ROS1: variants seen among roughly 807,000 people sequenced by gnomAD.
ROS1 encodes proto-oncogene tyrosine-protein kinase ROS.
Under a neutral mutation model 273.5 loss-of-function variants are expected in ROS1, and 263 were observed. The observed-to-expected ratio is 0.96, with a 90% CI of 0.87 to 1.06. ROS1 has a LOEUF of 1.06. ROS1 is among the 50% of genes least tolerant of loss of function. The pLI, the probability that ROS1 is intolerant of heterozygous loss-of-function variation, is 0.00. For missense variants in ROS1, 2,833 were observed against 2,751.1 expected, an observed-to-expected ratio of 1.03 and a Z score of -0.67; for synonymous variants, 1,008 against 954.1, an observed-to-expected ratio of 1.06 and a Z score of -1.04.
intron 15 of ROS1, among the ~76,000 whole-genome samples, chr6:117,386,175 T>C (rs759040631): frequency 1.3e-5 from 2 of 152,216 alleles, no homozygotes; most frequent in African/African-American, 2.4e-5. Context: ...ATGGTAAACC[T>C]GAGACAAGGT....
intron 2 of ROS1, among the ~76,000 whole-genome samples, chr6:117,417,004 T>C (rs192052579): frequency 6.6e-6 from 1 of 152,176 alleles, no homozygotes; most frequent in African/African-American, 2.4e-5. Flanking sequence ...GGTGTTTGTG[T>C]TCCATCTTCA....
chr6:117,421,799 G>T (rs1676363990), intron 1 of ROS1, among the ~76,000 whole-genome samples: 4 of 151,564 alleles, frequency 2.6e-5, no homozygotes, highest in Non-Finnish European at 1.5e-5. Flanking sequence ...CCACTTTTTG[G>T]CTTTGCAGTT....
Position 117,356,897 on chromosome 6 carries a change from T to C in ROS1, c.3858A>G (p.Glu1286=), listed in dbSNP as rs754776601. Residue 1286 remains glutamate, a synonymous_variant, in exon 26 of 44, where the codon GAA becomes GAG. Transcript: ENST00000368507. ...ACATCTGGTAGCCAAAATTGGAAAC[T>C]TCTGTCCAATACAAGCGACTATAGA... The part of the protein sequence containing the change: ...YPLLSRLYWT[E]VSNFGYQMFY... 1 of 1,613,936 alleles carries C rather than the reference T, an allele frequency of 6.2e-7. No homozygotes were observed. The highest frequency in any genetic ancestry group is 2.2e-5 in the East Asian group (1 of 44,872).
chr6:117,331,000 C>A (rs1041189474), intron 32 of ROS1, among the ~76,000 whole-genome samples: 6 of 152,174 alleles, frequency 3.9e-5, no homozygotes, highest in African/African-American at 1.4e-4. Flanking sequence ...GATGGATGAA[C>A]TGACAGAAGT....
In ROS1 at chr6:117,310,228, C is replaced by T. The variant is rs1022614558; in HGVS notation, c.6269G>A (p.Arg2090Gln). ...LVSVKDYTSP[R>Q]IVKIGDFGLA... ...TCCAAAGTCTCCAATCTTCACTATC[C>T]GTGGACTGGTATAGTCTTTCACGGA... is the stretch of plus-strand genomic sequence containing the variant. Residue 2090 changes from arginine to glutamine, a missense_variant, in exon 41 of 44, where the codon CGG becomes CAG. Coordinates refer to ENST00000368507, the MANE Select transcript of ROS1 (RefSeq NM_001378902.1). The T allele has an allele frequency of 3.7e-6, 6 of 1,613,102 alleles. No individual in the cohort carries two copies. Among genetic ancestry groups the T allele is most frequent in the African/African-American group, 2.7e-5 (2 of 74,814 alleles).
intron 43 of ROS1, among the ~76,000 whole-genome samples, chr6:117,291,100 A>G (rs1342750068): frequency 6.6e-6 from 1 of 152,198 alleles, no homozygotes; most frequent in African/African-American, 2.4e-5. Context: ...TTTCTTGCTC[A>G]GTCACAAACT....
rs1037293561 is a variant in ROS1 at position 117,323,443 on chromosome 6, T to C, written c.5623+889A>G. 2.0e-5 allele frequency among the ~76,000 whole-genome samples: 3 copies of C among 152,162 alleles called. No individual in the cohort carries two copies. The South Asian group carries it at 6.2e-4, about 31-fold the overall frequency. On this transcript the variant is annotated intron_variant, in intron 35 of 43. Transcript: ENST00000368507. ...TGAACAAAACAAGCCACAACTTTCT[T>C]AATATGTGTTTGAGTGTTCTTTTCT...
At chr6:117,332,827 G>A (rs1357298750) in intron 32 of ROS1, among the ~76,000 whole-genome samples, 1 of 152,118 alleles carries the variant, frequency 6.6e-6, no homozygotes, top group African/African-American at 2.4e-5. Context: ...CAGAATCTCT[G>A]GGACACAACT....
In ROS1 at chr6:117,365,192, C is replaced by T; in HGVS notation, c.2971G>A (p.Glu991Lys). The T allele has an allele frequency of 6.3e-7, 1 of 1,599,956 alleles. No individual in the cohort carries two copies. Among genetic ancestry groups the T allele is most frequent in the East Asian group, 2.2e-5 (1 of 44,810 alleles). Residue 991 changes from glutamate (E) to lysine (K), a missense_variant, in exon 21 of 44, where the codon GAA becomes AAA. Transcript: ENST00000368507. ...FSAHSKFLAS[E>K]QHSLPVFTVE... is the part of the protein sequence containing the mutation. ...GTAAATACAGGTAAAGAGTGTTGTTCACTAGCCAAGAACTAAAATATAAAC... is the reference window on the plus strand; with the variant it reads ...GTAAATACAGGTAAAGAGTGTTGTTTACTAGCCAAGAACTAAAATATAAAC...
In ROS1 at chr6:117,414,281, G is replaced by A. The variant is rs975177077; in HGVS notation, c.255+238C>T. Among the ~76,000 whole-genome samples, 9 of 152,068 alleles carry A rather than the reference G, an allele frequency of 5.9e-5. No individual in the cohort carries two copies. The South Asian group carries it at 6.2e-4, about 10-fold the overall frequency. On this transcript the variant is annotated intron_variant, in intron 4 of 43. Transcript: ENST00000368507. ...ATATATGCAAATGGTGAATGTGTGT[G>A]TATGCACATAGGAACATATATATTA...
At chr6:117,348,823 G>A (rs534609696) in intron 27 of ROS1, among the ~76,000 whole-genome samples, 1 of 151,828 alleles carries the variant, frequency 6.6e-6, no homozygotes, top group East Asian at 1.9e-4. Flanking sequence ...TTTAATTTGA[G>A]ATTTCTTCTT....
At position 117,324,370 on chromosome 6, in the gene ROS1, A is replaced by T. The variant is rs1357854573; in HGVS notation, c.5585T>A (p.Val1862Asp). The T allele has an allele frequency of 1.3e-6, 2 of 1,530,838 alleles. No individual in the cohort carries two copies. The highest frequency in any genetic ancestry group is 1.8e-6 in the Non-Finnish European group (2 of 1,112,146). The allele number at this position is 1,530,838 out of a possible 1,614,324, so 94.8% of individuals were successfully genotyped here. A position where few individuals can be genotyped will look rare whatever the true frequency, so the allele number is the denominator to read the frequency against. The change falls in exon 35 of 44, where the codon GTT becomes GAT. Residue 1862 changes from valine (V) to aspartate (D), a missense_variant. Coordinates refer to ENST00000368507, the MANE Select transcript of ROS1 (RefSeq NM_001378902.1). ...GATTGTAACAACCAGAAATATTCCAACTATAATAGTAAGTATGAAACTTGT... is the reference window on the plus strand; with the variant it reads ...GATTGTAACAACCAGAAATATTCCATCTATAATAGTAAGTATGAAACTTGT... The part of the protein sequence containing the change: ...PETSFILTII[V>D]GIFLVVTIPL...
At chr6:117,392,828 T>C (rs530800749) in intron 12 of ROS1, among the ~76,000 whole-genome samples, 18 of 152,200 alleles carry the variant, frequency 1.2e-4, no homozygotes, top group African/African-American at 4.1e-4. Context: ...TGAACTACAG[T>C]TGAATGGCTC....
At chr6:117,396,828 A>T in intron 8 of ROS1, 87 bp downstream of exon 8, 1 of 987,630 alleles carries the variant, frequency 1.0e-6, no homozygotes, top group Non-Finnish European at 1.6e-6. Flanking sequence ...AAGCACATTT[A>T]AACTATTTGA....
intron 2 of ROS1, among the ~76,000 whole-genome samples, chr6:117,416,832 C>A (rs1371792501): frequency 6.6e-6 from 1 of 152,134 alleles, no homozygotes; most frequent in Non-Finnish European, 1.5e-5. Context: ...GTTGCCCTGA[C>A]CTGCTATCAG....
intron 43 of ROS1, among the ~76,000 whole-genome samples, chr6:117,290,401 C>A (rs1773753158): frequency 6.6e-6 from 1 of 152,010 alleles, no homozygotes; most frequent in South Asian, 2.1e-4. Context: ...CAAGAGACTG[C>A]GATAGTAGAG....
chr6:117,418,758 A>T (rs540297777), intron 1 of ROS1, among the ~76,000 whole-genome samples: 51 of 152,334 alleles, frequency 3.3e-4, no homozygotes, highest in Admixed American at 6.5e-4. Flanking sequence ...GGCTATAGGG[A>T]GAGAGTCTCA....
intron 28 of ROS1, 72 bp downstream of exon 28, chr6:117,343,988 A>T: frequency 7.8e-7 from 1 of 1,286,782 alleles, no homozygotes; most frequent in Non-Finnish European, 1.1e-6. Flanking sequence ...GAAATACTTT[A>T]CTATGGCTCA....
Position 117,404,356 on chromosome 6 carries a change from G to T in ROS1, c.389C>A (p.Ser130Tyr). The change falls in exon 6 of 44, where the codon TCT becomes TAT. Residue 130 changes from serine (S) to tyrosine (Y), a missense_variant. Ser to Tyr is a moderately radical substitution (Grantham distance 144). Coordinates refer to ENST00000368507, the MANE Select transcript of ROS1 (RefSeq NM_001378902.1). The part of the protein sequence containing the change: ...GSHNMTLRWK[S>Y]ANFSGVKYII... Reference sequence around the variant, plus strand: ...GTATTTTACTCCAGAGAAGTTTGCAGATTTCCATCGTAATGTCATATTGTG... The same window carrying T: ...GTATTTTACTCCAGAGAAGTTTGCATATTTCCATCGTAATGTCATATTGTG... 2.5e-6 allele frequency: 4 copies of T among 1,613,926 alleles called. No homozygotes were observed. The highest frequency in any genetic ancestry group is 3.4e-6 in the Non-Finnish European group (4 of 1,179,826).
Sources: gnomAD v4.1 joint callset for allele counts (sites outside exome capture counted in the v4.1 genomes callset) on GRCh38, gnomAD v4.1.1 for gene constraint, MANE v1.5 for transcripts, NCBI Gene and HGNC (gene_info 2026-07-23, HGNC 2026-07-21) for gene names.